The following SPAG16 variants were observed in gnomAD, a reference collection of about 807,000 sequenced individuals.
SPAG16 encodes the protein sperm associated antigen 16.
A neutral mutation model predicts 80.4 loss-of-function variants in SPAG16; 86 were observed. That is an observed-to-expected ratio of 1.07 (90% CI 0.90 to 1.28). The LOEUF (loss-of-function observed/expected upper bound fraction) is 1.28, where lower values mean the gene tolerates loss of function less well. Ranked by LOEUF, SPAG16 falls within the 50% of genes most tolerant of loss-of-function variation. The pLI is 0.00. For missense variants in SPAG16, 870 were observed against 765.3 expected (o/e 1.14, Z -1.61); for synonymous variants, 294 against 265.9 (o/e 1.11, Z -1.03).
intron 10 of SPAG16, among the ~76,000 whole-genome samples, chr2:213,702,775 T>A (rs1045461206): frequency 6.6e-6 from 1 of 152,182 alleles, no homozygotes; most frequent in Non-Finnish European, 1.5e-5. Context: ...TTTTGACTGT[T>A]CTTTGAAAAG....
intron 11 of SPAG16, among the ~76,000 whole-genome samples, chr2:213,876,319 AAGAAG>A (rs772446568): frequency 2.7e-5 from 3 of 112,138 alleles, no homozygotes; most frequent in Admixed American, 1.0e-4. Flanking sequence ...AAAAAAAAAA[AAGAAG>A]AAGAAAAGAA....
In SPAG16 at chr2:214,410,133, C is replaced by G. The variant is rs1482485492; in HGVS notation, c.1721-7C>G. 1 of 1,613,478 alleles carries G rather than the reference C, an allele frequency of 6.2e-7. No individual in the cohort carries two copies. The highest frequency in any genetic ancestry group is 8.5e-7 in the Non-Finnish European group (1 of 1,179,562). ...TTCTCTCTCTCTCTCCTCTCTGTCT[C>G]CCTCAGGTCGAGTTTTAGCTCAGGC... On this transcript the variant is annotated splice_polypyrimidine_tract_variant and splice_region_variant and intron_variant, in intron 15 of 15. Coordinates refer to ENST00000331683, the MANE Select transcript of SPAG16 (RefSeq NM_024532.5).
chr2:214,079,744 G>C (rs922768932), intron 13 of SPAG16, among the ~76,000 whole-genome samples: 3 of 152,160 alleles, frequency 2.0e-5, no homozygotes, highest in African/African-American at 4.8e-5. Flanking sequence ...TTAGAAGTCA[G>C]ATTTTTGTCT....
At chr2:213,405,328 T>A (rs1191953411) in intron 9 of SPAG16, among the ~76,000 whole-genome samples, 1 of 152,204 alleles carries the variant, frequency 6.6e-6, no homozygotes, top group Non-Finnish European at 1.5e-5. Context: ...TAACAATTTT[T>A]AAAATTTTAT....
intron 15 of SPAG16, among the ~76,000 whole-genome samples, chr2:214,292,322 T>C (rs1912195): frequency 0.19 from 28,452 of 152,138 alleles, 3,011 homozygotes; most frequent in East Asian, 0.36. Context: ...ATTTATTGTT[T>C]TTTTAAATAG....
At chr2:213,815,548 T>G (rs1053922091) in intron 10 of SPAG16, among the ~76,000 whole-genome samples, 1 of 152,096 alleles carries the variant, frequency 6.6e-6, no homozygotes, top group African/African-American at 2.4e-5. Flanking sequence ...TTTTATACAA[T>G]TAGACTCCCA....
intron 12 of SPAG16, among the ~76,000 whole-genome samples, chr2:213,974,969 A>AC (rs1333322595): frequency 0.011 from 1,631 of 150,588 alleles, 25 homozygotes; most frequent in African/African-American, 0.037. Context: ...AAAAAAACAC[A>AC]AAATGTGTAA....
chr2:213,485,892 G>A (rs1481484594), intron 9 of SPAG16, among the ~76,000 whole-genome samples: 1 of 151,960 alleles, frequency 6.6e-6, no homozygotes, highest in Non-Finnish European at 1.5e-5. Flanking sequence ...GCTTCCCGTG[G>A]GATGCCTAAC....
At chr2:214,387,290 T>TAATA in intron 15 of SPAG16, among the ~76,000 whole-genome samples, 1 of 152,364 alleles carries the variant, frequency 6.6e-6, no homozygotes, top group South Asian at 2.1e-4. Flanking sequence ...TTCTGCTATC[T>TAATA]AATACTCTAT....
chr2:213,860,482 T>TATAGAG (rs1553646318), intron 10 of SPAG16, among the ~76,000 whole-genome samples: 1 of 132,866 alleles, frequency 7.5e-6, no homozygotes, highest in African/African-American at 2.9e-5. Context: ...TCTATATATA[T>TATAGAG]ATATACACAC....
rs79892193 is a variant in SPAG16 at position 213,700,061 on chromosome 2, G to T, written c.1071-162424G>T. ...ATCTGTCATGATTACAGTTCTCTTT[G>T]TGGTAATATATTATCATATGTAATT... On this transcript the variant is annotated intron_variant, in intron 10 of 15. Transcript: ENST00000331683. 8.6e-3 allele frequency among the ~76,000 whole-genome samples: 1,305 copies of T among 152,152 alleles called. 25 individuals are homozygous for T. Among genetic ancestry groups the T allele is most frequent in the African/African-American group, 0.03 (1,247 of 41,506 alleles).
chr2:214,018,843 C>A (rs16851301), intron 13 of SPAG16, among the ~76,000 whole-genome samples: 61,358 of 151,930 alleles, frequency 0.4, 12,760 homozygotes, highest in South Asian at 0.69. Context: ...AACATATACT[C>A]GTTTTAAATC....
intron 8 of SPAG16, among the ~76,000 whole-genome samples, chr2:213,374,086 C>T (rs1048239876): frequency 7.9e-5 from 12 of 152,186 alleles, no homozygotes; most frequent in South Asian, 2.1e-4. Flanking sequence ...TTTCATGTAA[C>T]GTGGGGTTAT....
chr2:214,238,869 A>G (rs745860509), intron 15 of SPAG16: 1 of 152,148 alleles, frequency 6.6e-6, no homozygotes, highest in Non-Finnish European at 1.5e-5. Flanking sequence ...TGTGATATGT[A>G]TTATTTGAAA....
chr2:214,328,296 C>T (rs771767529), intron 15 of SPAG16, among the ~76,000 whole-genome samples: 2 of 152,166 alleles, frequency 1.3e-5, no homozygotes, highest in Non-Finnish European at 2.9e-5. Flanking sequence ...GCTGGGGCTA[C>T]AGGCACCTGC....
chr2:214,278,987 T>C (rs920890526), intron 15 of SPAG16, among the ~76,000 whole-genome samples: 1 of 152,228 alleles, frequency 6.6e-6, no homozygotes. Flanking sequence ...TTTTTTATTT[T>C]GAACATGTAC....
In SPAG16 at chr2:214,333,743, TG is replaced by T. The variant is rs1697089666; in HGVS notation, c.1721-76395del. Among the ~76,000 whole-genome samples the T allele has an allele frequency of 2.0e-5, 3 of 152,034 alleles. No homozygotes were observed. The South Asian group carries it at 6.2e-4, about 32-fold the overall frequency. ...CTGGGTATTGGAGCTCCAGAGAAGG[TG>T]GAATCCTCAGTCTTTAGAAAATTGG... On this transcript the variant is annotated intron_variant, in intron 15 of 15. Transcript: ENST00000331683.
chr2:213,877,919 G>T (rs1195920188), intron 11 of SPAG16, among the ~76,000 whole-genome samples: 2 of 152,068 alleles, frequency 1.3e-5, no homozygotes, highest in Non-Finnish European at 2.9e-5. Flanking sequence ...GTCACTATCT[G>T]TTATTTATGG....
intron 10 of SPAG16, among the ~76,000 whole-genome samples, chr2:213,825,701 C>CTTTTTTTTTTTTTTTTTTT (rs55777958): frequency 2.7e-5 from 3 of 109,798 alleles, no homozygotes; most frequent in Admixed American, 9.2e-5. Context: ...TTCTTTCTTT[C>CTTTTTTTTTTTTTTTTTTT]TTTTTTTTTT....
Sources: allele counts gnomAD v4.1 joint callset (sites outside exome capture counted in the v4.1 genomes callset), GRCh38; gene constraint gnomAD v4.1.1; transcripts MANE v1.5; gene names NCBI Gene and HGNC (gene_info 2026-07-23, HGNC 2026-07-21).